Variants in TMEM135 observed in about 807,000 individuals in gnomAD.
TMEM135 encodes peroxisomal membrane protein 52.
In TMEM135, 30 loss-of-function variants were observed where a neutral mutation model predicts 60.3. The observed-to-expected ratio is 0.50, with a 90% CI of 0.37 to 0.68. The LOEUF is 0.68. Ranked by LOEUF, TMEM135 falls within the 30% of genes least tolerant of loss-of-function variation. The pLI, the probability that TMEM135 is intolerant of heterozygous loss-of-function variation, is 0.00. For missense variants in TMEM135, 468 were observed against 548.8 expected, an observed-to-expected ratio of 0.85 and a Z score of 1.47; for synonymous variants, 190 against 186.7, an observed-to-expected ratio of 1.02 and a Z score of -0.14.
intron 5 of TMEM135, among the ~76,000 whole-genome samples, chr11:87,209,107 C>G (rs1194689652): frequency 6.6e-6 from 1 of 152,098 alleles, no homozygotes; most frequent in African/African-American, 2.4e-5. Context: ...TGTATAAGGA[C>G]ATAACCCCAT....
At chr11:87,262,489 T>A (rs1459357245) in intron 6 of TMEM135, among the ~76,000 whole-genome samples, 1 of 152,248 alleles carries the variant, frequency 6.6e-6, no homozygotes, top group African/African-American at 2.4e-5. Flanking sequence ...CACCTTTTCA[T>A]TGGTTTATTA....
At chr11:87,251,660 C>T (rs1941420126) in intron 6 of TMEM135, among the ~76,000 whole-genome samples, 1 of 151,844 alleles carries the variant, frequency 6.6e-6, no homozygotes, top group Non-Finnish European at 1.5e-5. Flanking sequence ...AAATACTGAA[C>T]CTTCCTACAT....
intron 12 of TMEM135, 72 bp from the exon 13 acceptor site, chr11:87,318,065 G>A: frequency 8.6e-7 from 1 of 1,156,574 alleles, no homozygotes; most frequent in African/African-American, 1.5e-5. Flanking sequence ...TAGGCAGGGA[G>A]CACAATGCTC....
intron 5 of TMEM135, among the ~76,000 whole-genome samples, chr11:87,197,229 A>G (rs1433850472): frequency 6.6e-6 from 1 of 152,070 alleles, no homozygotes. Flanking sequence ...ACATAATTCT[A>G]TTATGTTTAG....
chr11:87,078,335 G>A (rs1283890623), intron 3 of TMEM135, among the ~76,000 whole-genome samples: 1 of 152,158 alleles, frequency 6.6e-6, no homozygotes, highest in Non-Finnish European at 1.5e-5. Flanking sequence ...ATGATATTGA[G>A]CATCTTTTCA....
intron 4 of TMEM135, among the ~76,000 whole-genome samples, chr11:87,093,449 G>A (rs58970455): frequency 0.09 from 13,674 of 152,092 alleles, 676 homozygotes; most frequent in Non-Finnish European, 0.1. Context: ...GGGCTCGAGT[G>A]ATCCTTTTGC....
At chr11:87,191,861 C>T (rs1250905385) in intron 5 of TMEM135, among the ~76,000 whole-genome samples, 4 of 151,942 alleles carry the variant, frequency 2.6e-5, no homozygotes, top group African/African-American at 4.8e-5. Context: ...TTTAAAGTAG[C>T]ATTGGGAGTT....
At chr11:87,226,175 TG>T (rs1212148862) in intron 5 of TMEM135, among the ~76,000 whole-genome samples, 1 of 152,162 alleles carries the variant, frequency 6.6e-6, no homozygotes, top group Non-Finnish European at 1.5e-5. Flanking sequence ...CTTGGTAAAT[TG>T]TAAACCTAAA....
intron 4 of TMEM135, among the ~76,000 whole-genome samples, chr11:87,124,720 C>T (rs1432815316): frequency 6.6e-6 from 1 of 152,030 alleles, no homozygotes; most frequent in African/African-American, 2.4e-5. Flanking sequence ...CTCTTCTGTT[C>T]TTCCATAGCT....
intron 5 of TMEM135, among the ~76,000 whole-genome samples, chr11:87,233,643 G>A (rs1277980503): frequency 2.6e-5 from 4 of 151,916 alleles, no homozygotes; most frequent in Non-Finnish European, 5.9e-5. Context: ...ATAGCCACAC[G>A]TGTCCAGTAA....
At chr11:87,132,182 A>G (rs892018110) in intron 4 of TMEM135, among the ~76,000 whole-genome samples, 12 of 152,068 alleles carry the variant, frequency 7.9e-5, no homozygotes, top group Admixed American at 7.2e-4. Flanking sequence ...TCCTAAAACT[A>G]TCTGCACCCC....
chr11:87,280,919 A>G (rs919431378), intron 6 of TMEM135, among the ~76,000 whole-genome samples: 1 of 152,240 alleles, frequency 6.6e-6, no homozygotes, highest in African/African-American at 2.4e-5. Context: ...CATGCCTATC[A>G]GCCGTATCCG....
At chr11:87,266,675 C>G (rs1369058191) in intron 6 of TMEM135, among the ~76,000 whole-genome samples, 1 of 152,170 alleles carries the variant, frequency 6.6e-6, no homozygotes, top group Non-Finnish European at 1.5e-5. Context: ...ATGAATGAAC[C>G]TCCTCAGCTT....
In TMEM135 at chr11:87,109,579, G is replaced by A. The variant is rs546464808; in HGVS notation, c.396+18184G>A. On this transcript the variant is annotated intron_variant, in intron 4 of 14. Coordinates refer to ENST00000305494, the MANE Select transcript of TMEM135 (RefSeq NM_022918.4). ...GTGACATAGCAGTTAAAACTTATGA[G>A]CTGTTTATTTGTGGAATCTTCTATT... Among the ~76,000 whole-genome samples, 7 of 152,240 alleles carry A rather than the reference G, an allele frequency of 4.6e-5. No individual in the cohort carries two copies. In the South Asian group the frequency reaches 1.2e-3, roughly 27 times the overall value.
intron 5 of TMEM135, among the ~76,000 whole-genome samples, chr11:87,175,410 CA>C (rs1442349308): frequency 2.0e-5 from 3 of 152,136 alleles, no homozygotes; most frequent in African/African-American, 7.2e-5. Context: ...GGCCAAAGGT[CA>C]AACCAAGATT....
At chr11:87,055,657 C>G (rs1001635734) in intron 1 of TMEM135, among the ~76,000 whole-genome samples, 2 of 151,216 alleles carry the variant, frequency 1.3e-5, no homozygotes, top group African/African-American at 4.9e-5. Context: ...ATAGCACGAT[C>G]TCGGCTCACG....
At chr11:87,059,530 G>T (rs1428067130) in intron 1 of TMEM135, among the ~76,000 whole-genome samples, 1 of 151,800 alleles carries the variant, frequency 6.6e-6, no homozygotes, top group African/African-American at 2.4e-5. Flanking sequence ...TGGCTGAGCT[G>T]GTCTCGAACT....
chr11:87,042,211 A>G (rs1949755845), intron 1 of TMEM135, among the ~76,000 whole-genome samples: 1 of 152,240 alleles, frequency 6.6e-6, no homozygotes, highest in Admixed American at 6.5e-5. Context: ...AATAATGGTA[A>G]TAGACTGATT....
chr11:87,185,268 A>T (rs550686363), intron 5 of TMEM135, among the ~76,000 whole-genome samples: 1 of 152,278 alleles, frequency 6.6e-6, no homozygotes, highest in African/African-American at 2.4e-5. Context: ...CTCATTTGTT[A>T]AAATCAGAAT....
Sources: gnomAD v4.1 joint callset for allele counts (sites outside exome capture counted in the v4.1 genomes callset) on GRCh38, gnomAD v4.1.1 for gene constraint, MANE v1.5 for transcripts, NCBI Gene and HGNC (gene_info 2026-07-23, HGNC 2026-07-21) for gene names.